PHACTR1: variants seen among roughly 807,000 people sequenced by gnomAD.
PHACTR1 encodes RPEL repeat containing 1.
PHACTR1 carries 16 observed loss-of-function variants against 69.2 expected under a neutral mutation model. That is an observed-to-expected ratio of 0.23 (90% CI 0.16 to 0.35). The LOEUF is 0.35. Among genes scored for constraint, PHACTR1 ranks in the 10% least tolerant of loss-of-function variants. The pLI is 1.00. For synonymous variants in PHACTR1, 312 were observed against 284.5 expected (o/e 1.10, Z -0.97); for missense variants, 510 against 734.7 (o/e 0.69, Z 3.54).
intron 12 of PHACTR1, among the ~76,000 whole-genome samples, chr6:13,278,960 C>T (rs1191457217): frequency 2.6e-5 from 1 of 38,512 alleles, no homozygotes; most frequent in African/African-American, 1.5e-4. Context: ...AAGACTCTGT[C>T]TCAAAAAAAA....
intron 4 of PHACTR1, among the ~76,000 whole-genome samples, chr6:12,892,513 A>G (rs189324634): frequency 7.9e-5 from 12 of 152,336 alleles, no homozygotes; most frequent in Non-Finnish European, 1.8e-4. Flanking sequence ...CAACTGCAAA[A>G]TCTTCAAGCG....
chr6:13,098,765 T>C (rs958756021), intron 5 of PHACTR1, among the ~76,000 whole-genome samples: 1 of 152,176 alleles, frequency 6.6e-6, no homozygotes, highest in East Asian at 1.9e-4. Flanking sequence ...TCATAGCTCT[T>C]AATTATTTCT....
chr6:12,853,130 G>T (rs1475822060), intron 4 of PHACTR1, among the ~76,000 whole-genome samples: 2 of 152,034 alleles, frequency 1.3e-5, no homozygotes, highest in Admixed American at 6.6e-5. Flanking sequence ...TATTCAAAAG[G>T]CACATATTAA....
At position 12,973,236 on chromosome 6, in the gene PHACTR1, T is replaced by C. The variant is rs977562289; in HGVS notation, c.251-80129T>C. Among the ~76,000 whole-genome samples, 13 of 152,294 alleles carry C rather than the reference T, an allele frequency of 8.5e-5. No individual in the cohort carries two copies. In the East Asian group the frequency reaches 2.5e-3, roughly 29 times the overall value. On this transcript the variant is annotated intron_variant, in intron 4 of 14. Transcript: ENST00000332995. Reference sequence around the variant, plus strand: ...GTCTTCCACATTTTGACCTTGAACATAAGCTCAAAACCTTTTCTTTATTTA... The same window carrying C: ...GTCTTCCACATTTTGACCTTGAACACAAGCTCAAAACCTTTTCTTTATTTA...
chr6:12,891,616 C>G (rs772253833), intron 4 of PHACTR1, among the ~76,000 whole-genome samples: 2 of 152,204 alleles, frequency 1.3e-5, no homozygotes, highest in African/African-American at 4.8e-5. Flanking sequence ...TGATCCCCCT[C>G]CTCCTCTGAC....
intron 5 of PHACTR1, among the ~76,000 whole-genome samples, chr6:13,136,502 A>G (rs1379547283): frequency 2.6e-5 from 4 of 152,222 alleles, no homozygotes; most frequent in Non-Finnish European, 4.4e-5. Context: ...GACTTTCTCC[A>G]TATCAGCAAC....
chr6:13,071,610 T>C (rs1054697077), intron 5 of PHACTR1, among the ~76,000 whole-genome samples: 1 of 152,150 alleles, frequency 6.6e-6, no homozygotes, highest in African/African-American at 2.4e-5. Context: ...CAGATGCAGA[T>C]GTAATTTGGC....
At chr6:12,812,780 A>G (rs769650851) in intron 4 of PHACTR1, among the ~76,000 whole-genome samples, 19 of 152,214 alleles carry the variant, frequency 1.2e-4, no homozygotes, top group Non-Finnish European at 2.2e-4. Flanking sequence ...CATGATTGTT[A>G]GGACTCAAAA....
chr6:12,737,420 C>CACAT (rs397838381), intron 3 of PHACTR1, among the ~76,000 whole-genome samples: 2 of 151,320 alleles, frequency 1.3e-5, no homozygotes, highest in East Asian at 3.9e-4. Context: ...CACACACACA[C>CACAT]GCATGCACAC....
intron 8 of PHACTR1, among the ~76,000 whole-genome samples, chr6:13,215,861 A>G (rs570607785): frequency 2.0e-5 from 3 of 152,344 alleles, no homozygotes; most frequent in Admixed American, 2.0e-4. Flanking sequence ...AGCCAGTCCA[A>G]TCTGGATGAT....
intron 5 of PHACTR1, among the ~76,000 whole-genome samples, chr6:13,141,412 T>C: frequency 6.6e-6 from 1 of 152,254 alleles, no homozygotes; most frequent in East Asian, 1.9e-4. Flanking sequence ...TCTGCTATTT[T>C]TATTTGTGAA....
intron 5 of PHACTR1, among the ~76,000 whole-genome samples, chr6:13,063,354 G>C (rs1400253964): frequency 1.3e-5 from 2 of 152,204 alleles, no homozygotes; most frequent in Non-Finnish European, 2.9e-5. Flanking sequence ...TACTGGGAAA[G>C]GTTTGCTAGA....
chr6:12,829,997 A>AG (rs755648488), intron 4 of PHACTR1, among the ~76,000 whole-genome samples: 4 of 141,194 alleles, frequency 2.8e-5, no homozygotes, highest in Admixed American at 7.1e-5. Flanking sequence ...AGAGAGAGAG[A>AG]ACGAAAAGAA....
chr6:12,924,305 T>C (rs1347760996), intron 4 of PHACTR1, among the ~76,000 whole-genome samples: 1 of 152,200 alleles, frequency 6.6e-6, no homozygotes, highest in Non-Finnish European at 1.5e-5. Context: ...TAATTATATT[T>C]AGGTTATTTA....
chr6:12,807,858 C>T (rs1774534518), intron 4 of PHACTR1, among the ~76,000 whole-genome samples: 1 of 152,198 alleles, frequency 6.6e-6, no homozygotes, highest in East Asian at 1.9e-4. Flanking sequence ...GCTGAAATCA[C>T]ATTTCAATAT....
At chr6:13,109,996 T>A (rs1816784624) in intron 5 of PHACTR1, among the ~76,000 whole-genome samples, 2 of 152,064 alleles carry the variant, frequency 1.3e-5, no homozygotes, top group African/African-American at 4.8e-5. Context: ...CAGTTCTATA[T>A]TTCTTTGTTG....
rs1380540685 is a variant in PHACTR1 at position 12,986,632 on chromosome 6, C to T, written c.251-66733C>T. On this transcript the variant is annotated intron_variant, in intron 4 of 14. Transcript: ENST00000332995. ...CAGAGAGCTTCCAGTCTCGTTTGGG[C>T]GACAGATATGTGTGCATGCCAGATA... 3.3e-5 allele frequency among the ~76,000 whole-genome samples: 5 copies of T among 152,156 alleles called. No homozygotes were observed. In the South Asian group the frequency reaches 6.2e-4, roughly 19 times the overall value.
intron 5 of PHACTR1, among the ~76,000 whole-genome samples, chr6:13,073,046 C>T (rs1357969330): frequency 1.3e-5 from 2 of 152,062 alleles, no homozygotes; most frequent in East Asian, 1.9e-4. Flanking sequence ...TATACTCCTG[C>T]TGTGAATGTT....
At chr6:12,734,990 T>G (rs1764041217) in intron 3 of PHACTR1, among the ~76,000 whole-genome samples, 1 of 152,192 alleles carries the variant, frequency 6.6e-6, no homozygotes, top group Non-Finnish European at 1.5e-5. Flanking sequence ...ACCCCAAAAT[T>G]TAGTGACTTA....
Sources: gnomAD v4.1 joint callset for allele counts (sites outside exome capture counted in the v4.1 genomes callset) on GRCh38, gnomAD v4.1.1 for gene constraint, MANE v1.5 for transcripts, NCBI Gene and HGNC (gene_info 2026-07-23, HGNC 2026-07-21) for gene names.